The following DUSP15 variants were observed in gnomAD, a reference collection of about 807,000 sequenced individuals.
The protein encoded by DUSP15 is dual specificity protein phosphatase 15.
A neutral mutation model predicts 26.3 loss-of-function variants in DUSP15; 23 were observed. The observed-to-expected ratio is 0.87, with a 90% CI of 0.63 to 1.24. DUSP15 has a LOEUF of 1.24. DUSP15 is among the 50% of genes most tolerant of loss of function. The pLI is 0.00. For synonymous variants in DUSP15, 143 were observed against 135.5 expected (o/e 1.06, Z -0.39); for missense variants, 364 against 320.6 (o/e 1.14, Z -1.03).
intron 6 of DUSP15, among the ~76,000 whole-genome samples, chr20:31,854,845 C>G (rs1484096476): frequency 1.3e-5 from 2 of 152,164 alleles, no homozygotes; most frequent in South Asian, 2.1e-4. Flanking sequence ...GACTAAGGAA[C>G]CATTGCTCCT....
intron 6 of DUSP15, chr20:31,850,787 T>C (rs2062456041): frequency 1.7e-6 from 2 of 1,155,364 alleles, no homozygotes; most frequent in African/African-American, 1.5e-5. Context: ...CAGTCCTTAC[T>C]GTGGTCAACC....
chr20:31,861,288 T>C lies in DUSP15; in HGVS notation c.*115A>G. On this transcript the variant is annotated 3_prime_UTR_variant, in exon 7 of 7. Transcript: ENST00000339738. ...GCAGGGCGGGCGCGGGAGGCAGGGT[T>C]CAGGCCGCCGCGGGGCTCCCCCAGC... 7.3e-7 allele frequency: 1 copy of C among 1,370,296 alleles called. No individual in the cohort carries two copies. Among genetic ancestry groups the C allele is most frequent in the Non-Finnish European group, 9.4e-7 (1 of 1,068,472 alleles). 84.9% of individuals were successfully genotyped at this position (1,370,296 alleles called of 1,614,324 possible).
chr20:31,865,911 G>A (rs900230808), intron 3 of DUSP15, among the ~76,000 whole-genome samples: 1 of 152,178 alleles, frequency 6.6e-6, no homozygotes, highest in Admixed American at 6.5e-5. Context: ...TGTGTAGGCT[G>A]TCATTTCATT....
chr20:31,848,522 C>T, exon 10 of DUSP15: 2 of 1,605,944 alleles, frequency 1.2e-6, no homozygotes, highest in African/African-American at 2.7e-5. Flanking sequence ...GGTTGAGGCA[C>T]TTAGAGTGCA....
downstream of DUSP15, chr20:31,845,610 A>G: frequency 6.4e-7 from 1 of 1,569,300 alleles, no homozygotes; most frequent in East Asian, 2.3e-5. Context: ...GGCGTCCGGA[A>G]TAGCCTGCCC....
At chr20:31,850,876 CTG>C (rs2062457465) in intron 6 of DUSP15, among the ~76,000 whole-genome samples, 1 of 152,176 alleles carries the variant, frequency 6.6e-6, no homozygotes, top group Non-Finnish European at 1.5e-5. Context: ...TCCTCATCCT[CTG>C]TGGCAAATCC....
At chr20:31,869,515 T>C (rs1447875507) in intron 2 of DUSP15, 49 bp downstream of exon 2, 2 of 1,597,988 alleles carry the variant, frequency 1.3e-6, no homozygotes, top group African/African-American at 2.7e-5. Context: ...GACACAGGCC[T>C]GAGACAGGCA....
Position 31,867,790 on chromosome 20 carries a change from T to G in DUSP15, c.56-637A>C, listed in dbSNP as rs533696532. 6.5e-3 allele frequency among the ~76,000 whole-genome samples: 993 copies of G among 151,878 alleles called. 15 individuals carry two copies. Among genetic ancestry groups the G allele is most frequent in the African/African-American group, 0.023 (968 of 41,428 alleles). ...CTCCGGAGTAGCTGGGACTACAGGC[T>G]CCCGCCACCACACCCGGCTAATTTT... is the stretch of plus-strand genomic sequence containing the variant. On this transcript the variant is annotated intron_variant, in intron 2 of 6. Transcript: ENST00000339738.
chr20:31,859,149 C>T (rs761258191), downstream of DUSP15, among the ~76,000 whole-genome samples: 1 of 152,122 alleles, frequency 6.6e-6, no homozygotes, highest in Non-Finnish European at 1.5e-5. Flanking sequence ...GAGCCAGGAG[C>T]CAAAATGTGT....
intron 6 of DUSP15, among the ~76,000 whole-genome samples, chr20:31,854,722 GAGC>G (rs1247823961): frequency 2.0e-5 from 3 of 152,184 alleles, no homozygotes; most frequent in Non-Finnish European, 4.4e-5. Flanking sequence ...AGGGGTCAGT[GAGC>G]AGCCTGGTGT....
intron 2 of DUSP15, among the ~76,000 whole-genome samples, chr20:31,868,083 C>T (rs1020736222): frequency 4.6e-5 from 7 of 152,256 alleles, no homozygotes; most frequent in Non-Finnish European, 5.9e-5. Context: ...CCAGCATATG[C>T]AGATCTTTTA....
chr20:31,845,783 T>A (rs1213424370), downstream of DUSP15, among the ~76,000 whole-genome samples: 1 of 151,578 alleles, frequency 6.6e-6, no homozygotes, highest in Admixed American at 6.6e-5. Flanking sequence ...CTGCCAGGGA[T>A]GAGGAGTTGG....
At chr20:31,849,941 T>C in intron 7 of DUSP15, 8 of 1,412,248 alleles carry the variant, frequency 5.7e-6, no homozygotes, top group Non-Finnish European at 7.3e-6. Context: ...CTTCTTACCC[T>C]CCCCTTCAAA....
At position 31,864,107 on chromosome 20, in the gene DUSP15, A is replaced by C. The variant is rs1192419381; in HGVS notation, c.189-126T>G. 8 of 1,511,838 alleles carry C rather than the reference A, an allele frequency of 5.3e-6. No individual in the cohort carries two copies. The East Asian group carries it at 1.7e-4, about 32-fold the overall frequency. 93.7% of individuals were successfully genotyped at this position (1,511,838 alleles called of 1,614,324 possible). A position where few individuals can be genotyped will look rare whatever the true frequency, so the allele number is the denominator to read the frequency against. On this transcript the variant is annotated intron_variant, in intron 4 of 6. Transcript: ENST00000339738. ...CTGGGGTCCCCAGGTCAGCCAGCAC[A>C]TGCAGTGAATATGGGCCAGTACTTA...
chr20:31,845,945 CAG>C (rs1568645927), downstream of DUSP15, among the ~76,000 whole-genome samples: 1 of 151,922 alleles, frequency 6.6e-6, no homozygotes, highest in South Asian at 2.1e-4. Flanking sequence ...GAGATAGAGA[CAG>C]AGAGAGGTAG....
At chr20:31,849,450 C>T in intron 8 of DUSP15, 1 of 597,032 alleles carries the variant, frequency 1.7e-6, no homozygotes, top group Non-Finnish European at 3.2e-6. Context: ...TTAATGTGCC[C>T]ACTCTCCTCT....
In DUSP15 at chr20:31,870,465, G is replaced by C; in HGVS notation, c.-128C>G. ...GGGGAACGGGGGGCCTGGCGTCCGC[G>C]GCCCTGCCCAGCCCTGCCCAGCCAC... On this transcript the variant is annotated 5_prime_UTR_variant, in exon 1 of 7. Transcript: ENST00000339738. The surrounding 1 kb of genome is among the most constrained non-coding windows in gnomAD (Gnocchi z 6.6). The C allele has an allele frequency of 7.8e-7, 1 of 1,285,934 alleles. No homozygotes were observed. Among genetic ancestry groups the C allele is most frequent in the Non-Finnish European group, 9.8e-7 (1 of 1,020,926 alleles). 79.7% of individuals were successfully genotyped at this position (1,285,934 alleles called of 1,614,324 possible). A position where few individuals can be genotyped will look rare whatever the true frequency, so the allele number is the denominator to read the frequency against.
At chr20:31,860,326 T>G (rs1427352784), downstream of DUSP15, among the ~76,000 whole-genome samples, 1 of 152,166 alleles carries the variant, frequency 6.6e-6, no homozygotes, top group Non-Finnish European at 1.5e-5. Context: ...ACGAGTGGCT[T>G]ATTGGGTTAT....
intron 4 of DUSP15, 90 bp from the exon 5 acceptor site, chr20:31,864,071 G>C: frequency 6.3e-7 from 1 of 1,587,256 alleles, no homozygotes. Context: ...GATAGCAAGG[G>C]ACATAGAGCC....
Sources: gnomAD v4.1 joint callset for allele counts (sites outside exome capture counted in the v4.1 genomes callset) on GRCh38, gnomAD v4.1.1 for gene constraint, Gnocchi (gnomAD v3.1) non-coding constraint, MANE v1.5 for transcripts, NCBI Gene and HGNC (gene_info 2026-07-23, HGNC 2026-07-21) for gene names.